Variants in AATF observed in about 807,000 individuals in gnomAD.
The protein encoded by AATF is protein AATF.
A neutral mutation model predicts 63.7 loss-of-function variants in AATF; 48 were observed. The observed-to-expected ratio is 0.75, with a 90% CI of 0.60 to 0.96. The LOEUF (loss-of-function observed/expected upper bound fraction) is 0.96, where lower values mean the gene tolerates loss of function less well. Among genes scored for constraint, AATF ranks in the 40% least tolerant of loss-of-function variants. The pLI is 0.00. For missense variants in AATF, 639 were observed against 685.7 expected (o/e 0.93, Z 0.76); for synonymous variants, 258 against 247.7 (o/e 1.04, Z -0.39).
At chr17:37,023,378 A>T (rs965976489) in intron 10 of AATF, among the ~76,000 whole-genome samples, 1 of 152,202 alleles carries the variant, frequency 6.6e-6, no homozygotes, top group South Asian at 2.1e-4. Flanking sequence ...AACTAGCTTC[A>T]TTAAACTGTT....
chr17:36,956,357 G>T (rs187311805), intron 4 of AATF, among the ~76,000 whole-genome samples: 1 of 152,300 alleles, frequency 6.6e-6, no homozygotes, highest in Admixed American at 6.5e-5. Flanking sequence ...ATACTCCCCT[G>T]TCTTGATAAA....
At position 36,949,066 on chromosome 17, in the gene AATF, G is replaced by A. The variant is rs1479639318; in HGVS notation, c.-60G>A. On this transcript the variant is annotated 5_prime_UTR_variant, in exon 1 of 12. Coordinates refer to ENST00000619387, the MANE Select transcript of AATF (RefSeq NM_012138.4). ...GATCCGGCAGGGAAGGAGCTTCGGG[G>A]CCGGGGGTTGGGCCGCACATTTACG... 7.0e-7 allele frequency: 1 copy of A among 1,425,444 alleles called. No individual in the cohort carries two copies. The highest frequency in any genetic ancestry group is 9.6e-7 in the Non-Finnish European group (1 of 1,041,324). 88.3% of individuals were successfully genotyped at this position (1,425,444 alleles called of 1,614,324 possible).
In AATF at chr17:37,043,581, C is replaced by T. The variant is rs965453314; in HGVS notation, c.1619+11896C>T. 7.9e-5 allele frequency among the ~76,000 whole-genome samples: 12 copies of T among 152,232 alleles called. No individual in the cohort carries two copies. In the East Asian group the frequency reaches 1.3e-3, roughly 17 times the overall value. On this transcript the variant is annotated intron_variant, in intron 11 of 11. Coordinates refer to ENST00000619387, the MANE Select transcript of AATF (RefSeq NM_012138.4). ...TTAACTTAAAAGTCAAAGAAGTATG[C>T]CTGTGTGTACTGTAATCTTGTATTT...
intron 5 of AATF, among the ~76,000 whole-genome samples, chr17:36,987,207 T>G (rs936737257): frequency 6.7e-6 from 1 of 149,904 alleles, no homozygotes; most frequent in South Asian, 2.1e-4. Context: ...CCCTATCTGG[T>G]CTCAAACTCC....
chr17:36,954,065 CTT>C (rs878859973), intron 4 of AATF, among the ~76,000 whole-genome samples, 158 bp downstream of exon 4: 5 of 122,418 alleles, frequency 4.1e-5, no homozygotes, highest in Admixed American at 8.3e-5. Context: ...TTCCAAGTTG[CTT>C]TTTTTTTTTT....
chr17:36,988,171 G>T (rs1390405104), intron 5 of AATF, among the ~76,000 whole-genome samples: 1 of 152,070 alleles, frequency 6.6e-6, no homozygotes, highest in African/African-American at 2.4e-5. Flanking sequence ...AAAAAAATTA[G>T]TCGGGCATGG....
intron 11 of AATF, among the ~76,000 whole-genome samples, chr17:37,046,145 T>C (rs1470400161): frequency 6.6e-6 from 1 of 151,978 alleles, no homozygotes; most frequent in Non-Finnish European, 1.5e-5. Flanking sequence ...TAAACAGTTG[T>C]GTGGGATGTG....
intron 10 of AATF, among the ~76,000 whole-genome samples, chr17:37,026,088 A>T (rs1485373465): frequency 1.3e-5 from 2 of 152,152 alleles, no homozygotes; most frequent in Admixed American, 1.3e-4. Flanking sequence ...AAAATGCCTA[A>T]CCTTAATCTC....
At position 37,021,824 on chromosome 17, in the gene AATF, AT is replaced by A. The variant is rs1393528892; in HGVS notation, c.1547+811del. ...CGTCTCAAAAAAAAAAAAAAAAATA[AT>A]AATAATAATAATAATAAATATAAAA... On this transcript the variant is annotated intron_variant, in intron 10 of 11. Transcript: ENST00000619387. 7.2e-5 allele frequency among the ~76,000 whole-genome samples: 10 copies of A among 138,808 alleles called. 3 individuals carry two copies. The highest frequency in any genetic ancestry group is 2.6e-4 in the African/African-American group (9 of 34,588). The allele number at this position is 138,808 out of a possible 152,430, so 91.1% of individuals were successfully genotyped here.
chr17:36,981,620 CTTCTT>C (rs2071124452), intron 4 of AATF, among the ~76,000 whole-genome samples: 3 of 150,588 alleles, frequency 2.0e-5, no homozygotes, highest in Non-Finnish European at 4.4e-5. Context: ...ATTTCTTCTT[CTTCTT>C]TCTTCTTTCT....
rs147931168 is a variant in AATF, at chr17:36,983,441, G to A, written c.833-3176G>A. On this transcript the variant is annotated intron_variant, in intron 4 of 11. Transcript: ENST00000619387. ...TGGCTCACTGCAACCTCCACCTCAC[G>A]GGTCCAAGTGATTCTCCTGCCTCAG... Among the ~76,000 whole-genome samples, 27 of 152,034 alleles carry A rather than the reference G, an allele frequency of 1.8e-4. 1 individual carries two copies. Among genetic ancestry groups the A allele is most frequent in the African/African-American group, 5.8e-4 (24 of 41,466 alleles).
chr17:37,056,225 G>C (rs1386735163), intron 11 of AATF: 1 of 174,960 alleles, frequency 5.7e-6, no homozygotes, highest in Non-Finnish European at 1.2e-5. Flanking sequence ...GAAAATGTAT[G>C]AAAACTAAAT....
rs144884257 is a variant in AATF at position 37,032,212 on chromosome 17, A to G, written c.1619+527A>G. On this transcript the variant is annotated intron_variant, in intron 11 of 11. Coordinates refer to ENST00000619387, the MANE Select transcript of AATF (RefSeq NM_012138.4). Reference sequence around the variant, plus strand: ...TAAAATAATAGTTTCTTCTGTATCTATTAATTGGCATTCTATAATGAAGAG... The same window carrying G: ...TAAAATAATAGTTTCTTCTGTATCTGTTAATTGGCATTCTATAATGAAGAG... Among the ~76,000 whole-genome samples, 817 of 152,314 alleles carry G rather than the reference A, an allele frequency of 5.4e-3. 11 individuals carry two copies. The highest frequency in any genetic ancestry group is 0.018 in the African/African-American group (769 of 41,580).
Position 37,021,016 on chromosome 17 carries a change from T to G in AATF, c.1547+2T>G, listed in dbSNP as rs1029815106. ...AGCCAGCAAAGGCAGGAAACTTCGG[T>G]GAGTTACTTTTCGGAAAAAATGTCA... On this transcript the variant is annotated splice_donor_variant, in intron 10 of 11. Coordinates refer to ENST00000619387, the MANE Select transcript of AATF (RefSeq NM_012138.4). LOFTEE classifies it high-confidence loss of function. The G allele has an allele frequency of 6.2e-7, 1 of 1,609,076 alleles. No individual in the cohort carries two copies. Among genetic ancestry groups the G allele is most frequent in the African/African-American group, 1.3e-5 (1 of 74,712 alleles).
At chr17:37,011,248 G>T (rs543216372) in intron 8 of AATF, among the ~76,000 whole-genome samples, 2 of 152,104 alleles carry the variant, frequency 1.3e-5, no homozygotes, top group Non-Finnish European at 2.9e-5. Context: ...GGTGGTGCAC[G>T]CCTGTAATCC....
chr17:36,949,866 A>C (rs1277571633), intron 1 of AATF, among the ~76,000 whole-genome samples: 1 of 152,256 alleles, frequency 6.6e-6, no homozygotes, highest in Non-Finnish European at 1.5e-5. Flanking sequence ...GTTTAGCCAG[A>C]ATAAGCAAAG....
intron 4 of AATF, 62 bp from the exon 5 acceptor site, chr17:36,986,555 C>A: frequency 1.5e-6 from 2 of 1,369,158 alleles, no homozygotes; most frequent in Non-Finnish European, 2.1e-6. Flanking sequence ...GAGTTATAGG[C>A]ATCACCTACT....
intron 4 of AATF, among the ~76,000 whole-genome samples, chr17:36,956,673 C>CAAAA (rs35410946): frequency 1.1e-5 from 1 of 90,902 alleles, no homozygotes; most frequent in Non-Finnish European, 2.2e-5. Context: ...AACTCCGTCT[C>CAAAA]AAAAAAAAAA....
intron 5 of AATF, 54 bp downstream of exon 5, chr17:36,986,785 C>T: frequency 2.1e-6 from 3 of 1,446,294 alleles, no homozygotes; most frequent in Non-Finnish European, 2.9e-6. Flanking sequence ...GGATAGTTTC[C>T]CATCATTTAT....
Sources: allele counts gnomAD v4.1 joint callset (sites outside exome capture counted in the v4.1 genomes callset), GRCh38; gene constraint gnomAD v4.1.1; transcripts MANE v1.5; gene names NCBI Gene and HGNC (gene_info 2026-07-23, HGNC 2026-07-21).